Variants in IL1RAPL1 observed in about 807,000 individuals in gnomAD.
IL1RAPL1 encodes the protein interleukin-1 receptor accessory protein-like 1.
Under a neutral mutation model 48.4 loss-of-function variants are expected in IL1RAPL1, and 3 were observed. That is an observed-to-expected ratio of 0.06 (90% CI 0.03 to 0.16). The LOEUF is 0.16. Ranked by LOEUF, IL1RAPL1 falls within the 10% of genes least tolerant of loss-of-function variation. IL1RAPL1 has a pLI of 1.00. For missense variants in IL1RAPL1, 349 were observed against 530.6 expected (o/e 0.66, Z 3.36); for synonymous variants, 185 against 187.7 (o/e 0.99, Z 0.12).
At position 29,088,021 on chromosome X, in the gene IL1RAPL1, G is replaced by A. The variant is rs773853171; in HGVS notation, c.83-194917G>A. 9.8e-5 allele frequency among the ~76,000 whole-genome samples: 11 copies of A among 112,036 alleles called. No homozygotes were observed. In the South Asian group the frequency reaches 3.7e-3, roughly 38 times the overall value. On this transcript the variant is annotated intron_variant, in intron 2 of 10. Transcript: ENST00000378993. Reference sequence around the variant, plus strand: ...TTCACACTAACCTGGGTGACAGAACGAGATCCTGTCTCAACAACAACAACA... The same window carrying A: ...TTCACACTAACCTGGGTGACAGAACAAGATCCTGTCTCAACAACAACAACA...
At chrX:29,484,131 C>G (rs1053589419) in intron 5 of IL1RAPL1, among the ~76,000 whole-genome samples, 3 of 111,049 alleles carry the variant, frequency 2.7e-5, no homozygotes, top group African/African-American at 9.9e-5. Context: ...GAAAGAAACA[C>G]AATGTCTTAG....
At chrX:29,056,559 T>C (rs1439061497) in intron 2 of IL1RAPL1, among the ~76,000 whole-genome samples, 2 of 112,172 alleles carry the variant, frequency 1.8e-5, no homozygotes, top group African/African-American at 6.5e-5. Context: ...TGCACAATAT[T>C]ACTTCCACCA....
chrX:28,789,289 A>G, intron 1 of IL1RAPL1, 31 bp from the exon 2 acceptor site: 4 of 867,296 alleles, frequency 4.6e-6, no homozygotes, highest in Non-Finnish European at 6.8e-6. Context: ...TAAAACATGT[A>G]TGTTTTTCTT....
chrX:28,690,254 G>T (rs1381219388), intron 1 of IL1RAPL1, among the ~76,000 whole-genome samples: 1 of 111,776 alleles, frequency 8.9e-6, no homozygotes, highest in African/African-American at 3.3e-5. Flanking sequence ...GGCTTCCGGG[G>T]TCTGTTAATC....
At chrX:29,012,185 C>A (rs1182690995) in intron 2 of IL1RAPL1, among the ~76,000 whole-genome samples, 1 of 112,286 alleles carries the variant, frequency 8.9e-6, no homozygotes, top group African/African-American at 3.2e-5. Flanking sequence ...CTCATACTAA[C>A]ATTTAAAAAC....
At chrX:28,642,964 A>G (rs1185311603) in intron 1 of IL1RAPL1, among the ~76,000 whole-genome samples, 1 of 110,212 alleles carries the variant, frequency 9.1e-6, no homozygotes, top group Non-Finnish European at 1.9e-5. Flanking sequence ...TCTTGGCTCA[A>G]TGCAACCTCC....
At chrX:28,968,056 A>G (rs1229791137) in intron 2 of IL1RAPL1, among the ~76,000 whole-genome samples, 1 of 111,514 alleles carries the variant, frequency 9.0e-6, no homozygotes. Context: ...TTACTTATTG[A>G]GAAACAAAAG....
At chrX:28,927,234 A>C (rs1923767632) in intron 2 of IL1RAPL1, among the ~76,000 whole-genome samples, 1 of 111,482 alleles carries the variant, frequency 9.0e-6, no homozygotes, top group African/African-American at 3.3e-5. Context: ...TTTTACTGGA[A>C]TTGACAAGTT....
intron 5 of IL1RAPL1, among the ~76,000 whole-genome samples, chrX:29,492,213 G>A (rs994952788): frequency 1.8e-5 from 2 of 112,345 alleles, no homozygotes; most frequent in Middle Eastern, 4.2e-3. Context: ...TCTTGTAACC[G>A]TAAGTGAAGT....
chrX:29,011,674 A>G (rs1219391554), intron 2 of IL1RAPL1, among the ~76,000 whole-genome samples: 1 of 112,208 alleles, frequency 8.9e-6, no homozygotes, highest in East Asian at 2.8e-4. Flanking sequence ...TTTAGGTGTG[A>G]TGGATATATT....
intron 6 of IL1RAPL1, among the ~76,000 whole-genome samples, chrX:29,782,102 C>T (rs772993647): frequency 2.0e-5 from 2 of 99,870 alleles, no homozygotes; most frequent in African/African-American, 7.5e-5. Flanking sequence ...GTCTGTCTGT[C>T]TATCTATCTA....
At chrX:29,123,328 A>G (rs1242972309) in intron 2 of IL1RAPL1, among the ~76,000 whole-genome samples, 1 of 111,903 alleles carries the variant, frequency 8.9e-6, no homozygotes, top group Non-Finnish European at 1.9e-5. Flanking sequence ...AGCACATTTT[A>G]AAGTGAATTT....
chrX:29,620,758 C>G (rs1404839536), intron 5 of IL1RAPL1, among the ~76,000 whole-genome samples: 1 of 111,452 alleles, frequency 9.0e-6, no homozygotes, highest in Non-Finnish European at 1.9e-5. Context: ...AATAAAAATG[C>G]CTGGAGAGAA....
intron 2 of IL1RAPL1, among the ~76,000 whole-genome samples, chrX:28,975,855 G>C (rs1925191535): frequency 8.9e-6 from 1 of 111,928 alleles, no homozygotes; most frequent in African/African-American, 3.2e-5. Context: ...TGCTGAATAG[G>C]TGATATTTGA....
At chrX:29,045,888 C>T (rs1195258034) in intron 2 of IL1RAPL1, among the ~76,000 whole-genome samples, 5 of 104,126 alleles carry the variant, frequency 4.8e-5, no homozygotes, top group Admixed American at 3.2e-4. Context: ...ATTTTTCTTC[C>T]TCCTCCTCCA....
chrX:29,514,791 A>G (rs948956326), intron 5 of IL1RAPL1, among the ~76,000 whole-genome samples: 4 of 112,747 alleles, frequency 3.5e-5, no homozygotes, highest in Non-Finnish European at 7.5e-5. Context: ...CAAGTTGCAC[A>G]TATTTAATAT....
At chrX:28,972,933 C>T (rs1303467770) in intron 2 of IL1RAPL1, among the ~76,000 whole-genome samples, 1 of 111,138 alleles carries the variant, frequency 9.0e-6, no homozygotes, top group Non-Finnish European at 1.9e-5. Flanking sequence ...TGATTTAAAT[C>T]TCTCATACTT....
intron 3 of IL1RAPL1, among the ~76,000 whole-genome samples, chrX:29,297,277 T>G (rs1932463222): frequency 8.9e-6 from 1 of 112,610 alleles, no homozygotes; most frequent in Admixed American, 9.4e-5. Flanking sequence ...AGTAAGATAG[T>G]TTAGTTTCTC....
chrX:29,261,647 A>C (rs1055531920), intron 2 of IL1RAPL1, among the ~76,000 whole-genome samples: 1 of 110,792 alleles, frequency 9.0e-6, no homozygotes, highest in African/African-American at 3.3e-5. Context: ...TATAATCTAC[A>C]TGCTGCCCAC....
Sources: allele counts gnomAD v4.1 joint callset (sites outside exome capture counted in the v4.1 genomes callset), GRCh38; gene constraint gnomAD v4.1.1; transcripts MANE v1.5; gene names NCBI Gene and HGNC (gene_info 2026-07-23, HGNC 2026-07-21).